ANKS3: variants seen among roughly 807,000 people sequenced by gnomAD.
The protein encoded by ANKS3 is ankyrin repeat and SAM domain-containing protein 3.
In ANKS3, 62 loss-of-function variants were observed where a neutral mutation model predicts 80.7. The ratio of observed to expected loss-of-function variants is 0.77; its 90% CI spans 0.63 to 0.95. ANKS3 has a LOEUF of 0.95. Among genes scored for constraint, ANKS3 ranks in the 40% least tolerant of loss-of-function variants. ANKS3 has a pLI of 0.00. For synonymous variants in ANKS3, 489 were observed against 355.3 expected (o/e 1.38, Z -4.23); for missense variants, 1,150 against 883.6 (o/e 1.30, Z -3.82).
chr16:4,704,576 A>C (rs1027466933), intron 8 of ANKS3, among the ~76,000 whole-genome samples: 4 of 152,176 alleles, frequency 2.6e-5, no homozygotes, highest in African/African-American at 9.7e-5. Flanking sequence ...CGAGACTGGA[A>C]AACCCAAAGG....
At position 4,721,649 on chromosome 16, in the gene ANKS3, T is replaced by G. The variant is rs573621090; in HGVS notation, c.573+3101A>C. ...TGATTTATTTATTTATTTATTTATT[T>G]ATTTATTTAGAGATAGTCTCACTCT... On this transcript the variant is annotated intron_variant, in intron 6 of 17. Coordinates refer to ENST00000304283, the MANE Select transcript of ANKS3 (RefSeq NM_133450.4). Among the ~76,000 whole-genome samples the G allele has an allele frequency of 4.3e-3, 644 of 150,796 alleles. 7 individuals are homozygous for G. Among genetic ancestry groups the G allele is most frequent in the African/African-American group, 0.015 (602 of 41,392 alleles).
chr16:4,714,811 G>A (rs527645586), intron 6 of ANKS3, among the ~76,000 whole-genome samples: 1 of 152,000 alleles, frequency 6.6e-6, no homozygotes, highest in South Asian at 2.1e-4. Flanking sequence ...GGCCAACATG[G>A]TGAAACCCCG....
intron 6 of ANKS3, among the ~76,000 whole-genome samples, chr16:4,717,058 G>A (rs1432489693): frequency 2.6e-5 from 4 of 151,666 alleles, no homozygotes; most frequent in South Asian, 4.2e-4. Flanking sequence ...GTGGGAAAAC[G>A]TGGTAAAACC....
chr16:4,727,243 T>G (rs2081402009), intron 3 of ANKS3, 66 bp from the exon 4 acceptor site: 1 of 1,553,740 alleles, frequency 6.4e-7, no homozygotes, highest in Non-Finnish European at 8.8e-7. Flanking sequence ...CCAAAGCTGG[T>G]GGCGAGGCTA....
In ANKS3 at chr16:4,707,592, T is replaced by A. The variant is rs575828562; in HGVS notation, c.710-2339A>T. On this transcript the variant is annotated intron_variant, in intron 7 of 17. Coordinates refer to ENST00000304283, the MANE Select transcript of ANKS3 (RefSeq NM_133450.4). ...CCATGCCCAGCCAGAAGGACACTTC[T>A]AATACTAAAAGCCATAATTCACAGT... Among the ~76,000 whole-genome samples, 8 of 152,298 alleles carry A rather than the reference T, an allele frequency of 5.3e-5. 1 individual carries two copies. In the South Asian group the frequency reaches 1.7e-3, roughly 32 times the overall value.
rs2081283755 is a variant in ANKS3 at position 4,724,979 on chromosome 16, T to C, written c.492-148A>G. ...CCCTTTCCAGAATTAACAGGTGACA[T>C]GAGAACAGTGAATATAACACATCAG... is the stretch of plus-strand genomic sequence containing the variant. On this transcript the variant is annotated intron_variant, in intron 5 of 17. Coordinates refer to ENST00000304283, the MANE Select transcript of ANKS3 (RefSeq NM_133450.4). 8.0e-6 allele frequency: 5 copies of C among 621,952 alleles called. No individual in the cohort carries two copies. The Admixed American group carries it at 1.5e-4, about 18-fold the overall frequency. 38.5% of individuals were successfully genotyped at this position (621,952 alleles called of 1,614,324 possible).
intron 7 of ANKS3, among the ~76,000 whole-genome samples, chr16:4,709,585 G>A (rs1258335053): frequency 1.3e-5 from 2 of 152,052 alleles, no homozygotes; most frequent in Non-Finnish European, 2.9e-5. Flanking sequence ...GTGGATGAAC[G>A]AAGACAGAAA....
At chr16:4,700,727 A>G in intron 11 of ANKS3, 1 of 666,280 alleles carries the variant, frequency 1.5e-6, no homozygotes, top group Middle Eastern at 2.4e-4. Context: ...AGGGAGGCCA[A>G]CTCCAGTATG....
intron 7 of ANKS3, among the ~76,000 whole-genome samples, chr16:4,707,044 T>C (rs960864658): frequency 6.6e-5 from 10 of 152,184 alleles, no homozygotes; most frequent in African/African-American, 1.2e-4. Context: ...CAAAGATCTA[T>C]AGCACTCCAG....
chr16:4,728,148 C>T (rs2081448520), intron 3 of ANKS3: 1 of 152,248 alleles, frequency 6.6e-6, no homozygotes, highest in Admixed American at 6.5e-5. Flanking sequence ...CAAGTTCACG[C>T]CATTCTCCTG....
At chr16:4,718,076 A>ATT (rs780141955) in intron 6 of ANKS3, among the ~76,000 whole-genome samples, 17 of 133,700 alleles carry the variant, frequency 1.3e-4, no homozygotes, top group Middle Eastern at 8.3e-3. Flanking sequence ...TGCCTGGCCA[A>ATT]TTTTTTTTTT....
chr16:4,731,444 T>A (rs968749546), intron 2 of ANKS3, 68 bp downstream of exon 2: 11 of 162,598 alleles, frequency 6.8e-5, no homozygotes, highest in African/African-American at 2.4e-4. Flanking sequence ...CATGTTAGGC[T>A]AATTTTTGTA....
At chr16:4,711,922 G>A (rs1192553014) in intron 7 of ANKS3, among the ~76,000 whole-genome samples, 1 of 152,068 alleles carries the variant, frequency 6.6e-6, no homozygotes, top group Non-Finnish European at 1.5e-5. Flanking sequence ...GAGACCAGAT[G>A]GTTTCATGGG....
chr16:4,696,725 G>A lies in ANKS3; in HGVS notation c.*183C>T. 4.1e-6 allele frequency: 2 copies of A among 487,372 alleles called. No homozygotes were observed. Among genetic ancestry groups the A allele is most frequent in the Non-Finnish European group, 7.5e-6 (2 of 265,602 alleles). The allele number at this position is 487,372 out of a possible 1,614,324, so 30.2% of individuals were successfully genotyped here. ...TCGTCCCGCCTCAGTGCTGGCCCGA[G>A]CTGCCGAGCCAGGGCCGCAGCCCCC... On this transcript the variant is annotated 3_prime_UTR_variant, in exon 18 of 18. Coordinates refer to ENST00000304283, the MANE Select transcript of ANKS3 (RefSeq NM_133450.4).
At chr16:4,698,256 G>A in intron 14 of ANKS3, 171 bp downstream of exon 14, 1 of 1,158,132 alleles carries the variant, frequency 8.6e-7, no homozygotes. Flanking sequence ...CCCAACTCCT[G>A]CCTGGGTCTG....
intron 6 of ANKS3, among the ~76,000 whole-genome samples, chr16:4,717,741 C>T (rs907767153): frequency 6.6e-6 from 1 of 152,088 alleles, no homozygotes; most frequent in Non-Finnish European, 1.5e-5. Context: ...CCTGACCTCC[C>T]CAGCTCAAGT....
intron 6 of ANKS3, among the ~76,000 whole-genome samples, chr16:4,715,920 G>C (rs1232921853): frequency 6.6e-6 from 1 of 152,044 alleles, no homozygotes; most frequent in Non-Finnish European, 1.5e-5. Flanking sequence ...ATTCAGCATA[G>C]TGAGAATCAG....
chr16:4,734,204 C>A lies in ANKS3; in HGVS notation c.-337G>T, dbSNP rs1596476767. ...GCCGCCCTCGGGCTGCCGTCGCCAA[C>A]CCCCCCCAAACAGCTCGCCGCCACG... On this transcript the variant is annotated 5_prime_UTR_variant, in exon 1 of 18. Coordinates refer to ENST00000304283, the MANE Select transcript of ANKS3 (RefSeq NM_133450.4). 1.5e-4 allele frequency: 1 copy of A among 6,640 alleles called. No homozygotes were observed. The highest frequency in any genetic ancestry group is 4.8e-4 in the Non-Finnish European group (1 of 2,094). The allele number at this position is 6,640 out of a possible 1,614,324, so 0.4% of individuals were successfully genotyped here. A position where few individuals can be genotyped will look rare whatever the true frequency, so the allele number is the denominator to read the frequency against.
chr16:4,724,427 G>A (rs1197274631), intron 6 of ANKS3, among the ~76,000 whole-genome samples: 1 of 152,196 alleles, frequency 6.6e-6, no homozygotes, highest in Non-Finnish European at 1.5e-5. Context: ...AAAAAGAGAG[G>A]AGGATCTCTG....
Sources: gnomAD v4.1 joint callset for allele counts (sites outside exome capture counted in the v4.1 genomes callset) on GRCh38, gnomAD v4.1.1 for gene constraint, MANE v1.5 for transcripts, NCBI Gene and HGNC (gene_info 2026-07-23, HGNC 2026-07-21) for gene names.